The following CHSY3 variants were observed in gnomAD, a reference collection of about 807,000 sequenced individuals.
The protein encoded by CHSY3 is N-acetylgalactosaminyl-proteoglycan 3-beta-glucuronosyltransferase 3.
In CHSY3, 35 loss-of-function variants were observed where a neutral mutation model predicts 67.2. The observed-to-expected ratio is 0.52, with a 90% CI of 0.40 to 0.69. The LOEUF (loss-of-function observed/expected upper bound fraction) is 0.69. Among genes scored for constraint, CHSY3 ranks in the 30% least tolerant of loss-of-function variants. The probability of loss-of-function intolerance (pLI) is 0.00; values close to 1 mark genes in which losing one functional copy is unlikely to be tolerated. For missense variants in CHSY3, 1,069 were observed against 1,138.5 expected (o/e 0.94, Z 0.88); for synonymous variants, 474 against 434.7 (o/e 1.09, Z -1.12).
At chr5:130,011,715 G>A (rs1764067466) in intron 2 of CHSY3, among the ~76,000 whole-genome samples, 1 of 152,120 alleles carries the variant, frequency 6.6e-6, no homozygotes, top group Admixed American at 6.5e-5. Context: ...CTTAGAAAAT[G>A]CCATGGTCTC....
chr5:130,124,318 A>G (rs1768182930), intron 2 of CHSY3, among the ~76,000 whole-genome samples: 1 of 151,990 alleles, frequency 6.6e-6, no homozygotes, highest in East Asian at 1.9e-4. Flanking sequence ...CTGCCCCTGA[A>G]TCTTCTTCAG....
intron 2 of CHSY3, among the ~76,000 whole-genome samples, chr5:130,056,133 CAT>C (rs1765524948): frequency 6.6e-6 from 1 of 152,108 alleles, no homozygotes; most frequent in South Asian, 2.1e-4. Flanking sequence ...TTCCTATGTG[CAT>C]CCTAACTTCT....
At chr5:130,142,880 C>G (rs1768910666) in intron 2 of CHSY3, among the ~76,000 whole-genome samples, 2 of 152,090 alleles carry the variant, frequency 1.3e-5, no homozygotes, top group Non-Finnish European at 2.9e-5. Context: ...AGATTTCCCT[C>G]AATCAGAACA....
chr5:130,147,092 C>A (rs762950270), intron 2 of CHSY3, among the ~76,000 whole-genome samples: 4 of 152,136 alleles, frequency 2.6e-5, no homozygotes, highest in Non-Finnish European at 5.9e-5. Context: ...CTGTGCCAGG[C>A]CTTCATATGT....
chr5:130,143,826 A>G lies in CHSY3; in HGVS notation c.1087-40403A>G, dbSNP rs1312305781. Among the ~76,000 whole-genome samples the G allele has an allele frequency of 1.2e-4, 15 of 128,632 alleles. 1 individual carries two copies. The East Asian group carries it at 2.6e-3, about 22-fold the overall frequency. The allele number at this position is 128,632 out of a possible 152,430, so 84.4% of individuals were successfully genotyped here. A position where few individuals can be genotyped will look rare whatever the true frequency, so the allele number is the denominator to read the frequency against. The stretch of plus-strand genomic sequence containing the variant: ...TATATGTGTGTATATATATATATAT[A>G]TATATATATATATATATATATGCCA... On this transcript the variant is annotated intron_variant, in intron 2 of 2. Coordinates refer to ENST00000305031, the MANE Select transcript of CHSY3 (RefSeq NM_175856.5).
At chr5:129,953,777 C>A (rs1341908646) in intron 2 of CHSY3, among the ~76,000 whole-genome samples, 1 of 152,150 alleles carries the variant, frequency 6.6e-6, no homozygotes, top group Non-Finnish European at 1.5e-5. Context: ...TAAGTGTCTT[C>A]TTTTGAGAAG....
chr5:130,157,144 A>G (rs1769395001), intron 2 of CHSY3, among the ~76,000 whole-genome samples: 1 of 152,194 alleles, frequency 6.6e-6, no homozygotes, highest in Non-Finnish European at 1.5e-5. Context: ...GTTATCAATG[A>G]CTCAGGTAAA....
chr5:130,143,821 T>TATATATA (rs1768987274), intron 2 of CHSY3, among the ~76,000 whole-genome samples: 1 of 126,050 alleles, frequency 7.9e-6, no homozygotes, highest in Non-Finnish European at 1.7e-5. Flanking sequence ...TATATATATA[T>TATATATA]ATATATATAT....
At chr5:129,906,249 C>T (rs1457696676) in intron 1 of CHSY3, among the ~76,000 whole-genome samples, 1 of 152,122 alleles carries the variant, frequency 6.6e-6, no homozygotes, top group Non-Finnish European at 1.5e-5. Flanking sequence ...CCCCACCGTG[C>T]CAGCGCGCTG....
chr5:129,908,740 T>A (rs1213084934), intron 2 of CHSY3, among the ~76,000 whole-genome samples: 1 of 152,078 alleles, frequency 6.6e-6, no homozygotes, highest in Non-Finnish European at 1.5e-5. Flanking sequence ...TGTGCCTTTT[T>A]ATTTTATTTT....
intron 2 of CHSY3, among the ~76,000 whole-genome samples, chr5:129,981,002 C>T (rs1278619840): frequency 2.0e-5 from 3 of 146,564 alleles, no homozygotes; most frequent in Non-Finnish European, 3.0e-5. Context: ...GTAAGGAGAT[C>T]GAGACCATCC....
chr5:129,946,244 T>C (rs1348230020), intron 2 of CHSY3, among the ~76,000 whole-genome samples: 4 of 152,200 alleles, frequency 2.6e-5, no homozygotes, highest in Non-Finnish European at 1.5e-5. Context: ...TCTCATTTCC[T>C]AGATGTTTTC....
chr5:130,078,051 A>G (rs1766330469), intron 2 of CHSY3, among the ~76,000 whole-genome samples: 1 of 152,098 alleles, frequency 6.6e-6, no homozygotes. Flanking sequence ...TTGAAGTATT[A>G]TTTCCATTTT....
rs568816359 is a variant in CHSY3, at chr5:130,185,415, G to T, written c.2273G>T (p.Gly758Val). 6.2e-7 allele frequency: 1 copy of T among 1,613,628 alleles called. No homozygotes were observed. Among genetic ancestry groups the T allele is most frequent in the African/African-American group, 1.3e-5 (1 of 75,006 alleles). The change falls in exon 3 of 3, where the codon GGA (glycine) becomes GTA (valine). Residue 758 changes from glycine to valine, a missense_variant. This residue lies in a region of CHSY3 where 139 missense variants were observed against 152.8 expected (regional missense o/e 0.91). Transcript: ENST00000305031. ...SQYDPKVTNG[G>V]NPPTDDYFIF... The stretch of plus-strand genomic sequence containing the variant: ...TATGACCCAAAGGTAACAAACGGGG[G>T]AAATCCTCCCACTGATGATTACTTC...
At chr5:129,947,096 G>A (rs1761877878) in intron 2 of CHSY3, among the ~76,000 whole-genome samples, 1 of 152,086 alleles carries the variant, frequency 6.6e-6, no homozygotes, top group Admixed American at 6.5e-5. Context: ...GCATGGCTGG[G>A]GAGGCCTCAG....
chr5:130,182,819 C>T (rs776467945), intron 2 of CHSY3, among the ~76,000 whole-genome samples: 3 of 151,772 alleles, frequency 2.0e-5, no homozygotes, highest in Non-Finnish European at 2.9e-5. Flanking sequence ...CTTCTTCCTA[C>T]GTTTTTCACA....
intron 2 of CHSY3, among the ~76,000 whole-genome samples, chr5:130,170,849 A>G (rs78530376): frequency 0.051 from 7,639 of 150,890 alleles, 644 homozygotes; most frequent in African/African-American, 0.17. Flanking sequence ...TTTCTTGTTG[A>G]GTCGTTTGAG....
chr5:129,995,622 C>T (rs1763516207), intron 2 of CHSY3, among the ~76,000 whole-genome samples: 1 of 149,690 alleles, frequency 6.7e-6, no homozygotes, highest in South Asian at 2.1e-4. Flanking sequence ...TCGTTCCTTC[C>T]TTCTCTTCTT....
chr5:129,909,001 T>G (rs1760433212), intron 2 of CHSY3, among the ~76,000 whole-genome samples: 1 of 152,152 alleles, frequency 6.6e-6, no homozygotes, highest in Admixed American at 6.5e-5. Context: ...CTGCTTAGTA[T>G]TTTTGACAGG....
Sources: gnomAD v4.1 joint callset for allele counts (sites outside exome capture counted in the v4.1 genomes callset) on GRCh38, gnomAD v4.1.1 for gene constraint, gnomAD v4.1.1 regional missense constraint, MANE v1.5 for transcripts, NCBI Gene and HGNC (gene_info 2026-07-23, HGNC 2026-07-21) for gene names.